ZFAT: variants seen among roughly 807,000 people sequenced by gnomAD.
The protein encoded by ZFAT is zinc finger protein ZFAT.
A neutral mutation model predicts 117.7 loss-of-function variants in ZFAT; 64 were observed. The ratio of observed to expected loss-of-function variants is 0.54; its 90% confidence interval spans 0.44 to 0.67. The LOEUF is 0.67. Among genes scored for constraint, ZFAT ranks in the 30% least tolerant of loss-of-function variants. The pLI is 0.00. For synonymous variants in ZFAT, 679 were observed against 615.0 expected, an observed-to-expected ratio of 1.10 and a Z score of -1.54; for missense variants, 1,433 against 1,584.5, an observed-to-expected ratio of 0.90 and a Z score of 1.62.
At chr8:134,825,955 A>T in the ZFAT span, among the ~76,000 whole-genome samples, 2 of 151,034 alleles carry the variant, frequency 1.3e-5, no homozygotes, top group Non-Finnish European at 1.5e-5. Context: ...CGAGAGGCGG[A>T]GCTTGCAGTG....
intron 11 of ZFAT, among the ~76,000 whole-genome samples, chr8:134,563,496 C>T (rs7007819): frequency 0.56 from 85,763 of 152,034 alleles, 25,812 homozygotes; most frequent in Admixed American, 0.68. Flanking sequence ...AAATTCACCT[C>T]CCACAAGGCT....
rs925800156 is a variant in ZFAT, at chr8:134,565,661, C to T, written c.2888-240G>A. 1.5e-5 allele frequency: 9 copies of T among 617,302 alleles called. No homozygotes were observed. The African/African-American group carries it at 1.5e-4, about 10-fold the overall frequency. The allele number at this position is 617,302 out of a possible 1,614,324, so 38.2% of individuals were successfully genotyped here. On this transcript the variant is annotated intron_variant, in intron 10 of 15. Transcript: ENST00000377838. ...CACAGCCAGCTCCACCTGGGGAGGC[C>T]CCATGAGCAATGACATTCGATCAGG...
the ZFAT span, chr8:134,784,113 G>C: frequency 6.6e-6 from 1 of 152,214 alleles, no homozygotes; most frequent in East Asian, 1.9e-4. Flanking sequence ...TTAGCGCTGT[G>C]ATCTCCCAGG....
At chr8:134,715,669 C>G (rs1326785244), upstream of ZFAT, among the ~76,000 whole-genome samples, 1 of 152,204 alleles carries the variant, frequency 6.6e-6, no homozygotes, top group East Asian at 1.9e-4. Context: ...CAAGCTGCCT[C>G]GGTGATGGTT....
At chr8:134,660,486 G>A (rs933997471) in intron 1 of ZFAT, among the ~76,000 whole-genome samples, 1 of 152,250 alleles carries the variant, frequency 6.6e-6, no homozygotes, top group African/African-American at 2.4e-5. Context: ...ACTGGAGACA[G>A]AGATGAATCA....
intron 9 of ZFAT, among the ~76,000 whole-genome samples, chr8:134,587,652 C>A (rs953934419): frequency 2.6e-5 from 4 of 152,186 alleles, no homozygotes; most frequent in African/African-American, 9.7e-5. Flanking sequence ...GTCTGTTGCC[C>A]TAGTAGAATC....
chr8:134,790,172 T>C, the ZFAT span, among the ~76,000 whole-genome samples: 2 of 152,202 alleles, frequency 1.3e-5, no homozygotes, highest in Admixed American at 1.3e-4. Flanking sequence ...GAGTAACACA[T>C]ACCACCATTG....
upstream of ZFAT, among the ~76,000 whole-genome samples, chr8:134,713,386 C>T (rs902864175): frequency 1.3e-5 from 2 of 152,240 alleles, no homozygotes; most frequent in Admixed American, 1.3e-4. Flanking sequence ...CTCTCACTAC[C>T]TAACTTGGGG....
intron 1 of ZFAT, among the ~76,000 whole-genome samples, chr8:134,684,403 A>G (rs539190573): frequency 3.9e-5 from 6 of 152,238 alleles, no homozygotes; most frequent in Non-Finnish European, 8.8e-5. Context: ...TAAGATCTCC[A>G]TCTTACAGGA....
chr8:134,666,637 T>G (rs1053575648), intron 1 of ZFAT, among the ~76,000 whole-genome samples: 4 of 151,738 alleles, frequency 2.6e-5, no homozygotes, highest in African/African-American at 9.7e-5. Flanking sequence ...AAATAAAAAT[T>G]TTACAACAGA....
the ZFAT span, among the ~76,000 whole-genome samples, chr8:134,768,320 C>T: frequency 7.2e-3 from 1,098 of 152,310 alleles, 13 homozygotes; most frequent in African/African-American, 0.025. Context: ...AAAACAGACT[C>T]TTATAAGACA....
chr8:134,487,106 T>C (rs994154737), intron 15 of ZFAT, among the ~76,000 whole-genome samples: 9 of 152,204 alleles, frequency 5.9e-5, no homozygotes, highest in Non-Finnish European at 5.9e-5. Context: ...ATTGTGCACA[T>C]ACATGGATGT....
chr8:134,519,905 T>C (rs4909456), intron 13 of ZFAT, among the ~76,000 whole-genome samples: 54,128 of 152,098 alleles, frequency 0.36, 11,295 homozygotes, highest in African/African-American at 0.59. Flanking sequence ...TTGTCAAATG[T>C]CTTTTCTGCA....
At chr8:134,497,121 G>A (rs774117993) in intron 15 of ZFAT, among the ~76,000 whole-genome samples, 1 of 152,266 alleles carries the variant, frequency 6.6e-6, no homozygotes, top group Non-Finnish European at 1.5e-5. Flanking sequence ...AAGCAAGAAG[G>A]AAAGTGGAGG....
chr8:134,585,495 G>A (rs530722601), intron 9 of ZFAT, among the ~76,000 whole-genome samples: 1 of 152,276 alleles, frequency 6.6e-6, no homozygotes, highest in Admixed American at 6.5e-5. Context: ...TCCCAGTCCT[G>A]GAGAAGCCAA....
chr8:134,616,004 C>T (rs1181713474), intron 3 of ZFAT, among the ~76,000 whole-genome samples: 1 of 152,202 alleles, frequency 6.6e-6, no homozygotes, highest in African/African-American at 2.4e-5. Context: ...TCAAATAACT[C>T]CAGGTAAAAC....
At chr8:134,742,131 C>T in the ZFAT span, among the ~76,000 whole-genome samples, 2 of 150,720 alleles carry the variant, frequency 1.3e-5, no homozygotes, top group Admixed American at 1.3e-4. Flanking sequence ...GTCTTTGAAG[C>T]TTCATTTATT....
intron 3 of ZFAT, among the ~76,000 whole-genome samples, chr8:134,635,274 C>A (rs1830138805): frequency 6.6e-6 from 1 of 152,156 alleles, no homozygotes; most frequent in Non-Finnish European, 1.5e-5. Context: ...AGCCTCAAAC[C>A]CAGAGCTTGA....
intron 2 of ZFAT, among the ~76,000 whole-genome samples, chr8:134,640,064 A>G (rs1013567763): frequency 1.5e-4 from 23 of 152,160 alleles, no homozygotes; most frequent in Non-Finnish European, 2.9e-4. Context: ...CCATGGGTGG[A>G]CCAAAAGCTC....
Sources: allele counts gnomAD v4.1 joint callset (sites outside exome capture counted in the v4.1 genomes callset), GRCh38; gene constraint gnomAD v4.1.1; transcripts MANE v1.5; gene names NCBI Gene and HGNC (gene_info 2026-07-23, HGNC 2026-07-21).